IFT46: variants seen among roughly 807,000 people sequenced by gnomAD.
IFT46 encodes intraflagellar transport protein 46 homolog.
IFT46 carries 19 observed loss-of-function variants against 39.6 expected under a neutral mutation model. The ratio of observed to expected loss-of-function variants is 0.48; its 90% CI spans 0.33 to 0.70. The LOEUF (loss-of-function observed/expected upper bound fraction) is 0.70, where lower values mean the gene tolerates loss of function less well. Ranked by LOEUF, IFT46 falls within the 30% of genes least tolerant of loss-of-function variation. The pLI is 0.01. For synonymous variants in IFT46, 117 were observed against 134.8 expected (o/e 0.87, Z 0.91); for missense variants, 334 against 364.8 (o/e 0.92, Z 0.69).
chr11:118,554,336 G>A (rs56403966), intron 7 of IFT46, 123 bp downstream of exon 7: 140,141 of 953,050 alleles, frequency 0.15, 13,520 homozygotes, highest in East Asian at 0.45. Context: ...GATTACAGGC[G>A]TGAGCCACCG....
At position 118,565,824 on chromosome 11, in the gene IFT46, G is replaced by C. The variant is rs1417403417; in HGVS notation, c.-167C>G. The C allele has an allele frequency of 6.6e-6, 1 of 152,608 alleles. No homozygotes were observed. Among genetic ancestry groups the C allele is most frequent in the African/African-American group, 2.4e-5 (1 of 41,406 alleles). 9.5% of individuals were successfully genotyped at this position (152,608 alleles called of 1,614,324 possible). A position where few individuals can be genotyped will look rare whatever the true frequency, so the allele number is the denominator to read the frequency against. On this transcript the variant is annotated 5_prime_UTR_variant, in exon 1 of 12. Transcript: ENST00000264021. ...TTCTGAATCCGTCTCCTCTATAATG[G>C]AAAGAACCCCAGCCTAGGGCTGGGG... is the stretch of plus-strand genomic sequence containing the variant.
chr11:118,571,431 C>G (rs574471750), intron 1 of IFT46, among the ~76,000 whole-genome samples: 9 of 152,102 alleles, frequency 5.9e-5, no homozygotes, highest in African/African-American at 2.2e-4. Context: ...ATATTCAGTT[C>G]TCCTGGGTAT....
At position 118,548,366 on chromosome 11, in the gene IFT46, A is replaced by C. The variant is rs1217850445; in HGVS notation, c.673-2513T>G. ...AAACTGTCACATTTTCTCCATTACGACTTTTTTTTTTTTTTTTTGGACAGA... is the reference window on the plus strand; with the variant it reads ...AAACTGTCACATTTTCTCCATTACGCCTTTTTTTTTTTTTTTTTGGACAGA... On this transcript the variant is annotated intron_variant, in intron 9 of 11. Transcript: ENST00000264021. Among the ~76,000 whole-genome samples the C allele has an allele frequency of 2.2e-5, 3 of 138,206 alleles. 1 individual carries two copies. The highest frequency in any genetic ancestry group is 8.1e-5 in the African/African-American group (3 of 36,894). 90.7% of individuals were successfully genotyped at this position (138,206 alleles called of 152,430 possible).
At chr11:118,561,398 G>T (rs1393966951) in intron 2 of IFT46, 5 of 829,412 alleles carry the variant, frequency 6.0e-6, no homozygotes, top group African/African-American at 3.3e-5. Context: ...CATGATGGAA[G>T]AGATGTATAA....
intron 7 of IFT46, among the ~76,000 whole-genome samples, chr11:118,553,040 C>T (rs1179725494): frequency 6.6e-6 from 1 of 151,984 alleles, no homozygotes; most frequent in Non-Finnish European, 1.5e-5. Flanking sequence ...CCCAATCACA[C>T]CACTGCACTC....
intron 4 of IFT46, among the ~76,000 whole-genome samples, chr11:118,556,425 G>A (rs558847428): frequency 4.2e-4 from 64 of 151,928 alleles, no homozygotes; most frequent in Middle Eastern, 3.4e-3. Flanking sequence ...CCCAGGAGGC[G>A]GAGCTTGCAG....
chr11:118,560,421 G>A (rs1938002941), intron 2 of IFT46: 1 of 155,792 alleles, frequency 6.4e-6, no homozygotes, highest in Non-Finnish European at 1.2e-5. Context: ...GTGAGAGCCT[G>A]TCAGAAACGG....
rs1555068654 is a variant in IFT46, at chr11:118,552,306, A to G, written c.513T>C (p.Asp171=). 1 of 1,614,232 alleles carries G rather than the reference A, an allele frequency of 6.2e-7. No individual in the cohort carries two copies. Among genetic ancestry groups the G allele is most frequent in the East Asian group, 2.2e-5 (1 of 44,890 alleles). The change falls in exon 8 of 12, where the codon GAT becomes GAC. Residue 171 remains aspartate (D), a synonymous_variant. Coordinates refer to ENST00000264021, the MANE Select transcript of IFT46 (RefSeq NM_001168618.2). ...TQHMKVKSLE[D]AEKNPKAIDT... ...CAATGGCTTTGGGATTCTTTTCTGC[A>G]TCTTCTAGGCTTTTTACTTTCATAT...
At chr11:118,570,285 C>A (rs1188958427), upstream of IFT46, among the ~76,000 whole-genome samples, 3 of 151,352 alleles carry the variant, frequency 2.0e-5, no homozygotes, top group African/African-American at 7.3e-5. Flanking sequence ...TGGTCTCGAT[C>A]TCTTGACCTT....
chr11:118,555,130 CTT>C, intron 5 of IFT46, 47 bp from the exon 6 acceptor site: 1 of 1,552,320 alleles, frequency 6.4e-7, no homozygotes, highest in South Asian at 1.1e-5. Flanking sequence ...GAAAAAGTTA[CTT>C]TACTATTCAG....
intron 2 of IFT46, 65 bp from the exon 3 acceptor site, chr11:118,559,929 G>C (rs1937979519): frequency 1.1e-5 from 11 of 964,674 alleles, no homozygotes; most frequent in Non-Finnish European, 1.8e-5. Flanking sequence ...GTATTTTTTA[G>C]TTTTTAATAT....
At chr11:118,576,446 A>C (rs900890701), upstream of IFT46, among the ~76,000 whole-genome samples, 5 of 147,324 alleles carry the variant, frequency 3.4e-5, no homozygotes, top group African/African-American at 1.3e-4. Context: ...AAAAAAAAAA[A>C]AAACCAAAAA....
upstream of IFT46, among the ~76,000 whole-genome samples, chr11:118,576,784 T>G (rs558411826): frequency 6.6e-6 from 1 of 152,298 alleles, no homozygotes; most frequent in South Asian, 2.1e-4. Flanking sequence ...TGGGGAACTA[T>G]GGTCCTATTT....
At position 118,562,901 on chromosome 11, in the gene IFT46, T is replaced by C. The variant is rs931531181; in HGVS notation, c.-36+2064A>G. On this transcript the variant is annotated intron_variant, in intron 2 of 11. Coordinates refer to ENST00000264021, the MANE Select transcript of IFT46 (RefSeq NM_001168618.2). ...CAACATGGTGAAACCCCGTCTCTAC[T>C]AAGAATACAAAAAATTAGCTGGGTG... 3.3e-5 allele frequency among the ~76,000 whole-genome samples: 5 copies of C among 152,166 alleles called. No homozygotes were observed. The South Asian group carries it at 8.3e-4, about 25-fold the overall frequency.
intron 3 of IFT46, chr11:118,557,352 C>T (rs1937876166): frequency 2.5e-6 from 1 of 395,172 alleles, no homozygotes. Context: ...ACAGCTTCGG[C>T]CCGAAAAGCT....
intron 1 of IFT46, chr11:118,572,461 C>A (rs958407703): frequency 8.8e-6 from 13 of 1,471,382 alleles, no homozygotes; most frequent in Middle Eastern, 1.7e-4. Context: ...GCAGCAGGTC[C>A]AGAGCTGCTG....
intron 4 of IFT46, 52 bp downstream of exon 4, chr11:118,556,854 T>C: frequency 6.8e-7 from 1 of 1,469,200 alleles, no homozygotes; most frequent in Non-Finnish European, 9.0e-7. Context: ...ACTCCAGTGT[T>C]TTGAAGGAGG....
At chr11:118,563,099 A>G (rs1555070849) in intron 2 of IFT46, among the ~76,000 whole-genome samples, 1 of 152,148 alleles carries the variant, frequency 6.6e-6, no homozygotes, top group African/African-American at 2.4e-5. Context: ...CATGCAATGG[A>G]ATATTACTCA....
chr11:118,545,136 T>C, intron 11 of IFT46, 125 bp from the exon 12 acceptor site: 1 of 784,986 alleles, frequency 1.3e-6, no homozygotes, highest in South Asian at 1.7e-5. Flanking sequence ...ATGAGGGAAC[T>C]TGGTTCTGAA....
Sources: gnomAD v4.1 joint callset for allele counts (sites outside exome capture counted in the v4.1 genomes callset) on GRCh38, gnomAD v4.1.1 for gene constraint, MANE v1.5 for transcripts, NCBI Gene and HGNC (gene_info 2026-07-23, HGNC 2026-07-21) for gene names.